The following ANO4 variants were observed in gnomAD, a reference collection of about 807,000 sequenced individuals.
ANO4 encodes the protein anoctamin-4.
Under a neutral mutation model 141.9 loss-of-function variants are expected in ANO4, and 69 were observed. The observed-to-expected ratio is 0.49, with a 90% CI of 0.40 to 0.59. The LOEUF (loss-of-function observed/expected upper bound fraction) is 0.59. ANO4 is among the 20% of genes least tolerant of loss of function. The pLI is 0.00. For missense variants in ANO4, 894 were observed against 1,162.2 expected, an observed-to-expected ratio of 0.77 and a Z score of 3.36; for synonymous variants, 350 against 394.3, an observed-to-expected ratio of 0.89 and a Z score of 1.33.
chr12:100,732,700 A>G (rs2031431029), intron 1 of ANO4, among the ~76,000 whole-genome samples: 1 of 152,176 alleles, frequency 6.6e-6, no homozygotes, highest in Non-Finnish European at 1.5e-5. Context: ...AATGTTTCAT[A>G]AACAATTTCA....
chr12:100,953,418 A>G (rs2136213016), intron 5 of ANO4, among the ~76,000 whole-genome samples: 1 of 152,354 alleles, frequency 6.6e-6, no homozygotes, highest in South Asian at 2.1e-4. Context: ...TGAACTTGAC[A>G]TACCTTAGTT....
At chr12:100,975,485 C>T (rs2044133313) in intron 7 of ANO4, among the ~76,000 whole-genome samples, 1 of 149,616 alleles carries the variant, frequency 6.7e-6, no homozygotes, top group South Asian at 2.1e-4. Flanking sequence ...GCAGTGGTAC[C>T]ATCTCCGCTA....
chr12:100,944,456 G>T (rs2042635584), intron 5 of ANO4, among the ~76,000 whole-genome samples: 1 of 151,816 alleles, frequency 6.6e-6, no homozygotes, highest in Admixed American at 6.6e-5. Flanking sequence ...TCACTATATG[G>T]CAAAACATCA....
At chr12:100,776,335 G>A (rs1011315592) in intron 3 of ANO4, among the ~76,000 whole-genome samples, 4 of 152,108 alleles carry the variant, frequency 2.6e-5, no homozygotes, top group Non-Finnish European at 4.4e-5. Context: ...GAACCACCTC[G>A]CGAGGGCTCT....
intron 2 of ANO4, among the ~76,000 whole-genome samples, chr12:100,914,205 A>G (rs571978603): frequency 6.6e-6 from 1 of 152,346 alleles, no homozygotes; most frequent in East Asian, 1.9e-4. Flanking sequence ...GATCTTACCA[A>G]TCCTGGAAAA....
chr12:100,789,728 G>A (rs1593334942), intron 3 of ANO4, among the ~76,000 whole-genome samples: 2 of 152,166 alleles, frequency 1.3e-5, no homozygotes, highest in African/African-American at 4.8e-5. Flanking sequence ...TGGTTCATAA[G>A]CTTGTAGGCA....
chr12:101,066,724 C>A, intron 14 of ANO4: 1 of 783,444 alleles, frequency 1.3e-6, no homozygotes, highest in Non-Finnish European at 2.3e-6. Context: ...TGCTTGAGTC[C>A]TGCGTTGCCA....
chr12:100,925,112 T>C (rs1465520881), intron 3 of ANO4, among the ~76,000 whole-genome samples: 1 of 152,082 alleles, frequency 6.6e-6, no homozygotes, highest in Non-Finnish European at 1.5e-5. Flanking sequence ...TTGTGCTAAT[T>C]AGATTTGAGA....
chr12:100,833,232 A>T (rs1414338954), intron 1 of ANO4, among the ~76,000 whole-genome samples: 3 of 152,142 alleles, frequency 2.0e-5, no homozygotes, highest in Non-Finnish European at 4.4e-5. Flanking sequence ...AAAGCAAAAG[A>T]ATAATTACTT....
At position 100,970,694 on chromosome 12, in the gene ANO4, C is replaced by G. The variant is rs865810636; in HGVS notation, c.457-612C>G. 3.5e-3 allele frequency among the ~76,000 whole-genome samples: 459 copies of G among 131,918 alleles called. 7 individuals carry two copies. The highest frequency in any genetic ancestry group is 0.014 in the South Asian group (46 of 3,346). 86.5% of individuals were successfully genotyped at this position (131,918 alleles called of 152,430 possible). ...CCTTCCTTCCTTCCTTCCTTCCTTC[C>G]TTCCTTCCTTCCTTCCTTCCTTCCT... On this transcript the variant is annotated intron_variant, in intron 5 of 27. Coordinates refer to ENST00000392977, the MANE Select transcript of ANO4 (RefSeq NM_001286615.2).
At chr12:100,970,674 C>CTTCA (rs2043885876) in intron 5 of ANO4, among the ~76,000 whole-genome samples, 1 of 59,712 alleles carries the variant, frequency 1.7e-5, no homozygotes, top group Non-Finnish European at 2.9e-5. Context: ...TCCTTCCTTC[C>CTTCA]TTCCTTCCTT....
chr12:100,953,935 C>G (rs1022472225), intron 5 of ANO4, among the ~76,000 whole-genome samples: 12 of 152,074 alleles, frequency 7.9e-5, no homozygotes, highest in Admixed American at 2.6e-4. Context: ...GAGGTAAACT[C>G]TGGTGTTTGC....
At chr12:100,889,926 A>G (rs1490149275) in intron 1 of ANO4, among the ~76,000 whole-genome samples, 2 of 152,212 alleles carry the variant, frequency 1.3e-5, no homozygotes, top group East Asian at 3.8e-4. Flanking sequence ...TTTTCATATC[A>G]TAAATCCATT....
chr12:101,019,876 A>C (rs1348611463), intron 8 of ANO4, among the ~76,000 whole-genome samples, 158 bp from the exon 9 acceptor site: 1 of 152,128 alleles, frequency 6.6e-6, no homozygotes, highest in East Asian at 1.9e-4. Flanking sequence ...TGAGCCTACT[A>C]TCCTGGTGTG....
chr12:100,766,218 A>G (rs1113551), intron 3 of ANO4, among the ~76,000 whole-genome samples: 7,530 of 152,106 alleles, frequency 0.05, 334 homozygotes, highest in East Asian at 0.16. Flanking sequence ...TTTTAAAGCT[A>G]TATAGTATTC....
At chr12:100,775,718 A>C (rs945978247) in intron 3 of ANO4, among the ~76,000 whole-genome samples, 1 of 152,228 alleles carries the variant, frequency 6.6e-6, no homozygotes. Flanking sequence ...CACAGCATTC[A>C]TGTGCTTATT....
intron 8 of ANO4, among the ~76,000 whole-genome samples, chr12:101,014,000 C>A (rs142373910): frequency 6.6e-6 from 1 of 152,280 alleles, no homozygotes; most frequent in Non-Finnish European, 1.5e-5. Flanking sequence ...AGCTCACACC[C>A]TTGAATATTT....
chr12:101,002,360 A>G (rs1425886220), intron 8 of ANO4, among the ~76,000 whole-genome samples: 2 of 152,228 alleles, frequency 1.3e-5, no homozygotes, highest in African/African-American at 4.8e-5. Flanking sequence ...GGAGTGAATA[A>G]TGCACAGTAG....
rs73375015 is a variant in ANO4, at chr12:100,947,841, C to T, written c.456+5306C>T. 3.5e-3 allele frequency among the ~76,000 whole-genome samples: 534 copies of T among 152,222 alleles called. 5 individuals are homozygous for T. Among genetic ancestry groups the T allele is most frequent in the African/African-American group, 0.012 (511 of 41,536 alleles). Reference sequence around the variant, plus strand: ...AACCTAAGCATACTTGCTCTTTGCCCTTATATTGTGTTGATTTCTGGTATC... The same window carrying T: ...AACCTAAGCATACTTGCTCTTTGCCTTTATATTGTGTTGATTTCTGGTATC... On this transcript the variant is annotated intron_variant, in intron 5 of 27. Coordinates refer to ENST00000392977, the MANE Select transcript of ANO4 (RefSeq NM_001286615.2).
Sources: allele counts gnomAD v4.1 joint callset (sites outside exome capture counted in the v4.1 genomes callset), GRCh38; gene constraint gnomAD v4.1.1; transcripts MANE v1.5; gene names NCBI Gene and HGNC (gene_info 2026-07-23, HGNC 2026-07-21).